Variants in CDK13 observed in about 807,000 individuals in gnomAD.
The protein encoded by CDK13 is cyclin-dependent kinase 13.
A neutral mutation model predicts 137.6 loss-of-function variants in CDK13; 40 were observed. The observed-to-expected ratio is 0.29, with a 90% CI of 0.23 to 0.38. CDK13 has a LOEUF of 0.38. Ranked by LOEUF, CDK13 falls within the 10% of genes least tolerant of loss-of-function variation. The pLI, the probability that CDK13 is intolerant of heterozygous loss-of-function variation, is 1.00. For missense variants in CDK13, 1,704 were observed against 1,951.8 expected, an observed-to-expected ratio of 0.87 and a Z score of 2.39; for synonymous variants, 869 against 760.1, an observed-to-expected ratio of 1.14 and a Z score of -2.36.
At chr7:40,005,139 A>T (rs942158923) in intron 5 of CDK13, among the ~76,000 whole-genome samples, 2 of 150,578 alleles carry the variant, frequency 1.3e-5, no homozygotes, top group Non-Finnish European at 1.5e-5. Flanking sequence ...GCACCATTGC[A>T]CTCCAGCCTA....
At chr7:40,023,711 G>T (rs1438411335) in intron 5 of CDK13, among the ~76,000 whole-genome samples, 3 of 151,834 alleles carry the variant, frequency 2.0e-5, no homozygotes, top group African/African-American at 7.3e-5. Flanking sequence ...ATGTTAGCCA[G>T]GATGGTCTCG....
At chr7:39,964,835 G>A (rs1200087365) in intron 1 of CDK13, among the ~76,000 whole-genome samples, 1 of 151,944 alleles carries the variant, frequency 6.6e-6, no homozygotes, top group African/African-American at 2.4e-5. Context: ...CTTTGTTCTC[G>A]TTGGTTTCAA....
At chr7:40,001,519 A>G (rs539421377) in intron 4 of CDK13, among the ~76,000 whole-genome samples, 1 of 152,106 alleles carries the variant, frequency 6.6e-6, no homozygotes, top group African/African-American at 2.4e-5. Flanking sequence ...CTGGCCTAGC[A>G]TCTTTCTGTT....
chr7:39,965,066 G>C (rs1023576798), intron 1 of CDK13, among the ~76,000 whole-genome samples: 1 of 152,128 alleles, frequency 6.6e-6, no homozygotes, highest in East Asian at 1.9e-4. Context: ...TTTTGGAATA[G>C]GTGTGGTGTG....
chr7:40,039,434 ATTTTTTT>A (rs976319927), intron 5 of CDK13, among the ~76,000 whole-genome samples: 117 of 85,000 alleles, frequency 1.4e-3, no homozygotes, highest in African/African-American at 5.2e-3. Flanking sequence ...TGCCCGGCTA[ATTTTTTT>A]TTTTTTTTTT....
rs991670009 is a variant in CDK13, at chr7:40,098,036, C to T, written c.*3056C>T. ...CTGGAGAAGTTAGTGGTATTTGCTACCCTCAGCTGTATCTAAATTGCACTT... is the reference window on the plus strand; with the variant it reads ...CTGGAGAAGTTAGTGGTATTTGCTATCCTCAGCTGTATCTAAATTGCACTT... On this transcript the variant is annotated 3_prime_UTR_variant, in exon 14 of 14. Transcript: ENST00000181839. 3.9e-5 allele frequency: 6 copies of T among 152,018 alleles called. No individual in the cohort carries two copies. The highest frequency in any genetic ancestry group is 1.5e-4 in the African/African-American group (6 of 41,374). The allele number at this position is 152,018 out of a possible 1,614,324, so 9.4% of individuals were successfully genotyped here.
chr7:40,060,615 A>G, intron 7 of CDK13, among the ~76,000 whole-genome samples: 1 of 152,214 alleles, frequency 6.6e-6, no homozygotes, highest in East Asian at 1.9e-4. Context: ...GGAAAATACA[A>G]AATAGGGAGT....
intron 5 of CDK13, among the ~76,000 whole-genome samples, chr7:40,044,313 T>C (rs1310974621): frequency 6.6e-6 from 1 of 152,004 alleles, no homozygotes; most frequent in Non-Finnish European, 1.5e-5. Flanking sequence ...TATGAAGTCT[T>C]TTGCTTTTTT....
intron 9 of CDK13, chr7:40,066,752 A>G (rs1017921227): frequency 6.6e-6 from 1 of 152,234 alleles, no homozygotes; most frequent in Admixed American, 6.5e-5. Flanking sequence ...TGTGGTTTGT[A>G]CAAGAGAGCT....
intron 11 of CDK13, among the ~76,000 whole-genome samples, chr7:40,084,448 AC>A (rs1270510089): frequency 2.0e-5 from 3 of 152,184 alleles, no homozygotes; most frequent in African/African-American, 7.2e-5. Flanking sequence ...ATTGCACTCC[AC>A]CCTGGGTGAC....
intron 1 of CDK13, among the ~76,000 whole-genome samples, chr7:39,964,605 G>T (rs1783826296): frequency 1.3e-5 from 2 of 149,948 alleles, no homozygotes; most frequent in African/African-American, 2.5e-5. Context: ...TTTTTTGAAG[G>T]GATTTTTGTG....
In CDK13 at chr7:39,951,701, C is replaced by A. The variant is rs765178497; in HGVS notation, c.1060C>A (p.Arg354=). 44 of 1,467,244 alleles carry A rather than the reference C, an allele frequency of 3.0e-5. No individual in the cohort carries two copies. Among genetic ancestry groups the A allele is most frequent in the Non-Finnish European group, 3.9e-5 (44 of 1,118,800 alleles). 90.9% of individuals were successfully genotyped at this position (1,467,244 alleles called of 1,614,324 possible). ...AGGGSSPYSR[R]LPRSPSPYSR... ...AGGTGGCAGCAGCCCCTATTCTCGG[C>A]GGCTGCCGCGCTCCCCGAGCCCCTA... Residue 354 remains arginine (R), a synonymous_variant, in exon 1 of 14, where the codon CGG becomes AGG. Transcript: ENST00000181839.
intron 6 of CDK13, among the ~76,000 whole-genome samples, chr7:40,046,670 A>C (rs953756758): frequency 1.6e-4 from 25 of 151,836 alleles, no homozygotes; most frequent in African/African-American, 6.0e-4. Context: ...AAAATAATCA[A>C]CAATATTATA....
chr7:39,969,263 C>T (rs997514258), intron 1 of CDK13, among the ~76,000 whole-genome samples: 9 of 152,314 alleles, frequency 5.9e-5, no homozygotes, highest in African/African-American at 2.2e-4. Context: ...CCACCTGCCT[C>T]AGCCTCCCAA....
chr7:39,958,136 A>G, intron 1 of CDK13, among the ~76,000 whole-genome samples: 1 of 152,188 alleles, frequency 6.6e-6, no homozygotes, highest in Non-Finnish European at 1.5e-5. Flanking sequence ...ACATTAGAGG[A>G]TAAATATAGG....
chr7:39,992,981 A>G (rs781270001), intron 2 of CDK13, among the ~76,000 whole-genome samples: 2 of 152,054 alleles, frequency 1.3e-5, no homozygotes, highest in Non-Finnish European at 2.9e-5. Context: ...GTGATGAGCA[A>G]CGTTAAGGTC....
Position 39,974,103 on chromosome 7 carries a change from CAGTT to C in CDK13, c.1212-13491_1212-13488del, listed in dbSNP as rs759650342. Among the ~76,000 whole-genome samples, 15 of 152,218 alleles carry C rather than the reference CAGTT, an allele frequency of 9.9e-5. 1 individual carries two copies. Among genetic ancestry groups the C allele is most frequent in the Admixed American group, 2.0e-4 (3 of 15,288 alleles). On this transcript the variant is annotated intron_variant, in intron 1 of 13. Transcript: ENST00000181839. The stretch of plus-strand genomic sequence containing the variant: ...CAAATGAATTTTAGAATCAGCTTGC[CAGTT>C]AGTTCAAAAAAGCAGCTAGGATTTT...
At chr7:40,081,391 T>C (rs756555003) in intron 11 of CDK13, among the ~76,000 whole-genome samples, 23 of 152,180 alleles carry the variant, frequency 1.5e-4, no homozygotes, top group African/African-American at 2.2e-4. Context: ...CTTGTAAATA[T>C]ATCAAGTGGA....
chr7:40,087,334 G>A (rs1786811351), intron 11 of CDK13, among the ~76,000 whole-genome samples: 1 of 152,018 alleles, frequency 6.6e-6, no homozygotes, highest in African/African-American at 2.4e-5. Flanking sequence ...GCAAAGACAG[G>A]GTTTTGCCAT....
Sources: gnomAD v4.1 joint callset for allele counts (sites outside exome capture counted in the v4.1 genomes callset) on GRCh38, gnomAD v4.1.1 for gene constraint, MANE v1.5 for transcripts, NCBI Gene and HGNC (gene_info 2026-07-23, HGNC 2026-07-21) for gene names.